ORC3: variants seen among roughly 807,000 people sequenced by gnomAD.
ORC3 encodes the protein homolog of latheo, Drosophila.
In ORC3, 78 loss-of-function variants were observed where a neutral mutation model predicts 100.7. The ratio of observed to expected loss-of-function variants is 0.77; its 90% CI spans 0.65 to 0.94. The LOEUF is 0.94. Among genes scored for constraint, ORC3 ranks in the 40% least tolerant of loss-of-function variants. The probability of loss-of-function intolerance (pLI) is 0.00; values close to 1 mark genes in which losing one functional copy is unlikely to be tolerated. For missense variants in ORC3, 789 were observed against 823.9 expected (o/e 0.96, Z 0.52); for synonymous variants, 295 against 289.3 (o/e 1.02, Z -0.20).
the ORC3 span, chr6:87,675,485 G>C: frequency 6.8e-7 from 1 of 1,477,202 alleles, no homozygotes; most frequent in Non-Finnish European, 9.4e-7. Context: ...ACGAAAGCTT[G>C]AAATAACCTG....
chr6:87,642,399 T>A (rs529924712), intron 13 of ORC3, among the ~76,000 whole-genome samples: 18 of 152,234 alleles, frequency 1.2e-4, no homozygotes, highest in Admixed American at 5.9e-4. Context: ...GAGACCAGCC[T>A]GGCCAACGTG....
chr6:87,675,582 T>C, the ORC3 span: 6 of 1,614,056 alleles, frequency 3.7e-6, no homozygotes, highest in Non-Finnish European at 3.4e-6. Flanking sequence ...AGCCCACAAA[T>C]GCAGGATACG....
downstream of ORC3, among the ~76,000 whole-genome samples, chr6:87,669,105 T>C (rs1770778048): frequency 6.6e-6 from 1 of 152,192 alleles, no homozygotes; most frequent in African/African-American, 2.4e-5. Flanking sequence ...TGTAGTGAGC[T>C]GAGATTACAC....
chr6:87,600,755 A>G (rs780695118), intron 2 of ORC3, among the ~76,000 whole-genome samples: 1 of 152,142 alleles, frequency 6.6e-6, no homozygotes, highest in South Asian at 2.1e-4. Context: ...TTCAAACCAA[A>G]TGTCATAATT....
chr6:87,604,657 A>G (rs1778202921), intron 4 of ORC3, among the ~76,000 whole-genome samples: 1 of 152,240 alleles, frequency 6.6e-6, no homozygotes, highest in South Asian at 2.1e-4. Context: ...ATATAATGTT[A>G]TTAATAAATA....
intron 16 of ORC3, among the ~76,000 whole-genome samples, chr6:87,662,235 G>A (rs1422911533): frequency 6.6e-6 from 1 of 152,096 alleles, no homozygotes; most frequent in African/African-American, 2.4e-5. Flanking sequence ...GACCAGCCTG[G>A]CCAACATGGT....
At chr6:87,649,723 G>A (rs1445091440) in intron 13 of ORC3, among the ~76,000 whole-genome samples, 2 of 152,104 alleles carry the variant, frequency 1.3e-5, no homozygotes, top group African/African-American at 2.4e-5. Flanking sequence ...TCCAGCCTGG[G>A]CAACAAGAGC....
the ORC3 span, among the ~76,000 whole-genome samples, chr6:87,673,636 A>T: frequency 1.2e-4 from 18 of 152,004 alleles, no homozygotes; most frequent in South Asian, 3.7e-3. Context: ...AGGTCAAGAG[A>T]TCGAGACCAT....
chr6:87,643,936 A>C (rs1213132957), intron 13 of ORC3, among the ~76,000 whole-genome samples: 1 of 152,120 alleles, frequency 6.6e-6, no homozygotes, highest in Non-Finnish European at 1.5e-5. Context: ...TAGTTGTTAC[A>C]TTGTATTGTT....
chr6:87,598,979 G>A (rs892224706), intron 2 of ORC3, among the ~76,000 whole-genome samples: 1 of 152,234 alleles, frequency 6.6e-6, no homozygotes, highest in Non-Finnish European at 1.5e-5. Context: ...GAACTGGAGA[G>A]AGAGAGACTG....
chr6:87,672,562 G>T, the ORC3 span, among the ~76,000 whole-genome samples: 1 of 152,166 alleles, frequency 6.6e-6, no homozygotes, highest in African/African-American at 2.4e-5. Context: ...ACCAATTACT[G>T]TAAGAGTTTG....
intron 2 of ORC3, among the ~76,000 whole-genome samples, chr6:87,594,858 G>A (rs895239362): frequency 2.0e-5 from 3 of 152,020 alleles, no homozygotes; most frequent in Admixed American, 1.3e-4. Context: ...GTAACATAAG[G>A]AAAACCTAAG....
intron 14 of ORC3, among the ~76,000 whole-genome samples, chr6:87,653,492 G>T (rs1237044944): frequency 6.6e-6 from 1 of 152,186 alleles, no homozygotes; most frequent in Non-Finnish European, 1.5e-5. Flanking sequence ...TCTTTCTCCA[G>T]ATCGACAGTT....
At chr6:87,657,221 C>T (rs1027747488) in intron 15 of ORC3, among the ~76,000 whole-genome samples, 1 of 152,140 alleles carries the variant, frequency 6.6e-6, no homozygotes, top group African/African-American at 2.4e-5. Flanking sequence ...TTCCTGTGGG[C>T]TCAGCAAGAG....
At chr6:87,628,836 A>AG (rs1491295479) in intron 11 of ORC3, among the ~76,000 whole-genome samples, 1 of 151,410 alleles carries the variant, frequency 6.6e-6, no homozygotes, top group Non-Finnish European at 1.5e-5. Flanking sequence ...CAGGGCAGAC[A>AG]GGGGGAAGAA....
intron 16 of ORC3, among the ~76,000 whole-genome samples, chr6:87,662,452 CA>C (rs1321885754): frequency 6.6e-6 from 1 of 151,924 alleles, no homozygotes; most frequent in East Asian, 1.9e-4. Flanking sequence ...CAAAACAAAA[CA>C]AAAAAACCCC....
At chr6:87,659,211 G>A (rs1167864291) in intron 16 of ORC3, among the ~76,000 whole-genome samples, 1 of 151,868 alleles carries the variant, frequency 6.6e-6, no homozygotes, top group Non-Finnish European at 1.5e-5. Context: ...TTACAGGCAT[G>A]TGCCAACAGG....
chr6:87,602,914 A>ACACGTT (rs1778022271), intron 3 of ORC3, among the ~76,000 whole-genome samples: 1 of 72,034 alleles, frequency 1.4e-5, no homozygotes, highest in Non-Finnish European at 2.8e-5. Context: ...ATTATATATT[A>ACACGTT]TATATATATA....
chr6:87,611,014 GCA>G (rs1424774888), intron 7 of ORC3, among the ~76,000 whole-genome samples: 1 of 138,852 alleles, frequency 7.2e-6, no homozygotes, highest in African/African-American at 2.7e-5. Flanking sequence ...TTGGCTCACT[GCA>G]CCCTCCACCT....
Sources: allele counts gnomAD v4.1 joint callset (sites outside exome capture counted in the v4.1 genomes callset), GRCh38; gene constraint gnomAD v4.1.1; transcripts MANE v1.5; gene names NCBI Gene and HGNC (gene_info 2026-07-23, HGNC 2026-07-21).